The following ERBB4 variants were observed in gnomAD, a reference collection of about 807,000 sequenced individuals.
The protein encoded by ERBB4 is receptor tyrosine-protein kinase erbB-4.
A neutral mutation model predicts 158.0 loss-of-function variants in ERBB4; 42 were observed. That is an observed-to-expected ratio of 0.27 (90% CI 0.21 to 0.34). The LOEUF is 0.34. ERBB4 is among the 10% of genes least tolerant of loss of function. The pLI, the probability that ERBB4 is intolerant of heterozygous loss-of-function variation, is 1.00. For missense variants in ERBB4, 1,333 were observed against 1,624.1 expected, an observed-to-expected ratio of 0.82 and a Z score of 3.08; for synonymous variants, 583 against 558.7, an observed-to-expected ratio of 1.04 and a Z score of -0.61.
At chr2:211,685,395 T>A (rs1434366385) in intron 12 of ERBB4, among the ~76,000 whole-genome samples, 5 of 152,238 alleles carry the variant, frequency 3.3e-5, no homozygotes, top group Non-Finnish European at 7.4e-5. Context: ...CTACCCTTCC[T>A]CTAATTAATT....
intron 2 of ERBB4, among the ~76,000 whole-genome samples, chr2:212,061,746 T>G (rs2077776418): frequency 6.6e-6 from 1 of 150,388 alleles, no homozygotes; most frequent in Admixed American, 6.6e-5. Flanking sequence ...TCTTTTTTTT[T>G]TTTTTTTAGA....
chr2:211,681,818 T>C (rs1574976721), intron 12 of ERBB4, among the ~76,000 whole-genome samples: 1 of 152,038 alleles, frequency 6.6e-6, no homozygotes, highest in Admixed American at 6.6e-5. Context: ...AAAGTAGAAG[T>C]TTTTCATTTT....
chr2:211,998,467 T>A (rs950785428), intron 2 of ERBB4, among the ~76,000 whole-genome samples: 2 of 140,250 alleles, frequency 1.4e-5, no homozygotes, highest in South Asian at 2.2e-4. Context: ...TTAAGTACAC[T>A]AAAATTCAGA....
chr2:212,247,472 G>T (rs1434091186), intron 1 of ERBB4, among the ~76,000 whole-genome samples: 3 of 152,066 alleles, frequency 2.0e-5, no homozygotes. Flanking sequence ...AATTAATGTT[G>T]TCATGATTTC....
chr2:211,598,371 G>C (rs1008045574), intron 19 of ERBB4, among the ~76,000 whole-genome samples: 1 of 152,138 alleles, frequency 6.6e-6, no homozygotes, highest in African/African-American at 2.4e-5. Context: ...CTACAATGTC[G>C]TGCTGGGCTG....
At chr2:212,370,471 TG>T (rs1196965060) in intron 1 of ERBB4, among the ~76,000 whole-genome samples, 42 of 152,172 alleles carry the variant, frequency 2.8e-4, no homozygotes, top group African/African-American at 9.7e-4. Flanking sequence ...GGTAGCTAGT[TG>T]GATATATAAG....
intron 2 of ERBB4, among the ~76,000 whole-genome samples, chr2:212,079,728 T>C (rs6756532): frequency 0.088 from 13,329 of 152,098 alleles, 648 homozygotes; most frequent in Middle Eastern, 0.12. Context: ...AAGTATCTTT[T>C]TAAAAAGTAT....
At chr2:211,527,320 A>G (rs2066375979) in intron 20 of ERBB4, among the ~76,000 whole-genome samples, 1 of 152,048 alleles carries the variant, frequency 6.6e-6, no homozygotes, top group Admixed American at 6.5e-5. Context: ...AAAAACCCCA[A>G]CTTTTAGCCT....
At chr2:211,699,612 T>C (rs2073157065) in intron 12 of ERBB4, among the ~76,000 whole-genome samples, 1 of 152,166 alleles carries the variant, frequency 6.6e-6, no homozygotes, top group Non-Finnish European at 1.5e-5. Context: ...AATGATATGC[T>C]TGATACTATA....
intron 3 of ERBB4, among the ~76,000 whole-genome samples, chr2:211,797,680 T>C (rs1490366096): frequency 6.6e-6 from 1 of 151,842 alleles, no homozygotes; most frequent in African/African-American, 2.4e-5. Context: ...TCAGCTAAAA[T>C]GCCTAGAATG....
chr2:211,637,331 T>C (rs975931689), intron 16 of ERBB4, among the ~76,000 whole-genome samples: 12 of 151,968 alleles, frequency 7.9e-5, no homozygotes, highest in African/African-American at 2.4e-4. Context: ...GCAAGGAATA[T>C]AGCTTTGAAA....
chr2:211,935,317 G>A (rs1279575457), intron 3 of ERBB4, among the ~76,000 whole-genome samples: 2 of 152,134 alleles, frequency 1.3e-5, no homozygotes, highest in South Asian at 2.1e-4. Context: ...GTGTTTCAGA[G>A]GAGATGAGTT....
intron 1 of ERBB4, among the ~76,000 whole-genome samples, chr2:212,436,675 T>C (rs1183509063): frequency 6.6e-6 from 1 of 152,094 alleles, no homozygotes; most frequent in Non-Finnish European, 1.5e-5. Context: ...GAATTCTATA[T>C]TTATTCAGCT....
chr2:211,536,241 C>T (rs2066649274), intron 20 of ERBB4, among the ~76,000 whole-genome samples: 1 of 152,018 alleles, frequency 6.6e-6, no homozygotes, highest in African/African-American at 2.4e-5. Context: ...ATCAGTTTAA[C>T]CCAGAAATGA....
chr2:211,978,473 A>G (rs928862934), intron 2 of ERBB4, among the ~76,000 whole-genome samples: 3 of 151,824 alleles, frequency 2.0e-5, no homozygotes, highest in African/African-American at 7.3e-5. Context: ...TCTTAAGCCC[A>G]GGCTAGAGTG....
At chr2:212,390,855 T>A (rs1173823911) in intron 1 of ERBB4, among the ~76,000 whole-genome samples, 1 of 151,814 alleles carries the variant, frequency 6.6e-6, no homozygotes, top group Non-Finnish European at 1.5e-5. Flanking sequence ...GGTCCACAGG[T>A]CTTACTTTAT....
At chr2:211,686,903 A>G (rs1334011034) in intron 12 of ERBB4, among the ~76,000 whole-genome samples, 1 of 152,128 alleles carries the variant, frequency 6.6e-6, no homozygotes, top group Non-Finnish European at 1.5e-5. Flanking sequence ...GAATACTAAT[A>G]TTCAAAGCCA....
At chr2:211,959,660 T>C (rs1432957327) in intron 2 of ERBB4, among the ~76,000 whole-genome samples, 1 of 152,118 alleles carries the variant, frequency 6.6e-6, no homozygotes, top group East Asian at 1.9e-4. Flanking sequence ...TATAGTACCT[T>C]CTAAGGCTGC....
At chr2:211,555,790 A>G (rs1473217480) in intron 20 of ERBB4, among the ~76,000 whole-genome samples, 1 of 152,230 alleles carries the variant, frequency 6.6e-6, no homozygotes, top group Non-Finnish European at 1.5e-5. Context: ...ATTTGTAACC[A>G]TCAGACCTGC....
Sources: gnomAD v4.1 joint callset for allele counts (sites outside exome capture counted in the v4.1 genomes callset) on GRCh38, gnomAD v4.1.1 for gene constraint, MANE v1.5 for transcripts, NCBI Gene and HGNC (gene_info 2026-07-23, HGNC 2026-07-21) for gene names.